ABCA6: variants seen among roughly 807,000 people sequenced by gnomAD.
ABCA6 encodes the protein ATP-binding cassette sub-family A member 6.
ABCA6 carries 164 observed loss-of-function variants against 191.2 expected under a neutral mutation model. The ratio of observed to expected loss-of-function variants is 0.86; its 90% CI spans 0.76 to 0.98. The LOEUF is 0.98. Among genes scored for constraint, ABCA6 ranks in the 50% least tolerant of loss-of-function variants. ABCA6 has a pLI of 0.00. For missense variants in ABCA6, 1,958 were observed against 1,894.1 expected (o/e 1.03, Z -0.63); for synonymous variants, 636 against 647.7 (o/e 0.98, Z 0.27).
intron 6 of ABCA6, among the ~76,000 whole-genome samples, chr17:69,131,412 T>C (rs2073859225): frequency 6.6e-6 from 1 of 152,124 alleles, no homozygotes; most frequent in African/African-American, 2.4e-5. Flanking sequence ...ACTTCCTGAA[T>C]TCAGAAGGGA....
chr17:69,087,233 G>A lies in ABCA6; in HGVS notation c.3819+120C>T, dbSNP rs191480716. ...GATACTTCTTTGGAGTGTCCTGGAC[G>A]CATAATACAGAAATGCACCAAACTC... On this transcript the variant is annotated intron_variant, in intron 29 of 38. Coordinates refer to ENST00000284425, the MANE Select transcript of ABCA6 (RefSeq NM_080284.3). The A allele has an allele frequency of 6.1e-4, 769 of 1,266,202 alleles. 3 individuals carry two copies. The African/African-American group carries it at 9.7e-3, about 16-fold the overall frequency. The allele number at this position is 1,266,202 out of a possible 1,614,324, so 78.4% of individuals were successfully genotyped here.
At chr17:69,081,214 T>C (rs558907032) in intron 36 of ABCA6, 69 bp from the exon 37 acceptor site, 5 of 750,480 alleles carry the variant, frequency 6.7e-6, no homozygotes, top group South Asian at 3.7e-5. Flanking sequence ...AGAATAAATA[T>C]TGATATTACC....
rs1183277467 is a variant in ABCA6, at chr17:69,089,464, C to G, written c.3606+1G>C. The G allele has an allele frequency of 6.2e-7, 1 of 1,613,430 alleles. No homozygotes were observed. On this transcript the variant is annotated splice_donor_variant, in intron 27 of 38. Coordinates refer to ENST00000284425, the MANE Select transcript of ABCA6 (RefSeq NM_080284.3). LOFTEE classifies it high-confidence loss of function. ...GTGCTGAGGTGGAAAGCCCTTCTTACTATGAAGCAGACTAGAAAATCAGTG... is the reference window on the plus strand; with the variant it reads ...GTGCTGAGGTGGAAAGCCCTTCTTAGTATGAAGCAGACTAGAAAATCAGTG...
intron 26 of ABCA6, among the ~76,000 whole-genome samples, chr17:69,090,102 T>A (rs2072891789): frequency 6.6e-6 from 1 of 152,204 alleles, no homozygotes; most frequent in Non-Finnish European, 1.5e-5. Context: ...ACCTTGCAGG[T>A]CTACTTAGGA....
At chr17:69,091,345 C>T in intron 25 of ABCA6, 83 bp from the exon 26 acceptor site, 2 of 1,433,474 alleles carry the variant, frequency 1.4e-6, no homozygotes, top group Non-Finnish European at 1.9e-6. Context: ...CAGGTGTTCT[C>T]ATGATGTATA....
rs1353887053 is a variant in ABCA6 at position 69,082,871 on chromosome 17, A to ACCTTT, written c.4613_4616+1dup. The ACCTTT allele has an allele frequency of 1.2e-6, 2 of 1,614,016 alleles. No homozygotes were observed. Among genetic ancestry groups the ACCTTT allele is most frequent in the Non-Finnish European group, 1.7e-6 (2 of 1,180,010 alleles). Reference sequence around the variant, plus strand: ...TTCTCCATAATCAAAAGCCCGTCTCACCTTTCCTGCCCTGCAGCCTGTGGG... The same window carrying ACCTTT: ...TTCTCCATAATCAAAAGCCCGTCTCACCTTTCCTTTCCTGCCCTGCAGCCTGTGGG... On this transcript the variant is annotated splice_donor_variant, in intron 36 of 38. Transcript: ENST00000284425. LOFTEE classifies it high-confidence loss of function.
chr17:69,099,358 T>C (rs2073123911), intron 22 of ABCA6, among the ~76,000 whole-genome samples: 1 of 152,098 alleles, frequency 6.6e-6, no homozygotes, highest in South Asian at 2.1e-4. Context: ...GTGTGTGCCA[T>C]GGGGAAGTGG....
intron 15 of ABCA6, chr17:69,113,017 G>A: frequency 2.4e-6 from 1 of 425,014 alleles, no homozygotes; most frequent in Non-Finnish European, 3.9e-6. Flanking sequence ...AAGGTAATCA[G>A]AATTTTTCAT....
At chr17:69,127,494 C>T (rs1310685057) in intron 8 of ABCA6, among the ~76,000 whole-genome samples, 2 of 151,960 alleles carry the variant, frequency 1.3e-5, no homozygotes, top group African/African-American at 2.4e-5. Context: ...AAAGAAAATT[C>T]GTAATCCACT....
intron 11 of ABCA6, among the ~76,000 whole-genome samples, chr17:69,117,370 G>A (rs1231843404): frequency 6.6e-6 from 1 of 151,846 alleles, no homozygotes; most frequent in Non-Finnish European, 1.5e-5. Flanking sequence ...TCACTTTGAT[G>A]TTTGCTTAAA....
Position 69,085,703 on chromosome 17 carries a change from T to A in ABCA6, c.3951A>T (p.Gly1317=), listed in dbSNP as rs775149047. Reference sequence around the variant, plus strand: ...TTCCAGCACCATTGGGTCCTAGCAATCCCAAAATTTCACCTGAAAGAAAGA... The same window carrying A: ...TTCCAGCACCATTGGGTCCTAGCAAACCCAAAATTTCACCTGAAAGAAAGA... ...SFCVQEGEIL[G]LLGPNGAGKS... The change falls in exon 31 of 39, where the codon GGA becomes GGT. Residue 1317 remains glycine (G), a synonymous_variant. Coordinates refer to ENST00000284425, the MANE Select transcript of ABCA6 (RefSeq NM_080284.3). The A allele has an allele frequency of 6.2e-7, 1 of 1,604,394 alleles. No individual in the cohort carries two copies. The highest frequency in any genetic ancestry group is 8.5e-7 in the Non-Finnish European group (1 of 1,173,312).
intron 35 of ABCA6, 94 bp downstream of exon 35, chr17:69,083,118 A>G: frequency 6.4e-7 from 1 of 1,571,392 alleles, no homozygotes; most frequent in Non-Finnish European, 8.6e-7. Flanking sequence ...AAGGAAGCCA[A>G]ACGGAAGGGC....
intron 17 of ABCA6, 175 bp downstream of exon 17, chr17:69,110,626 C>T (rs999962418): frequency 3.0e-6 from 2 of 666,940 alleles, no homozygotes; most frequent in Non-Finnish European, 4.8e-6. Flanking sequence ...GCTGGTGCTT[C>T]CACGAAGCAA....
intron 15 of ABCA6, 109 bp downstream of exon 15, chr17:69,113,113 A>G (rs2073462215): frequency 7.6e-7 from 1 of 1,321,808 alleles, no homozygotes; most frequent in South Asian, 1.6e-5. Flanking sequence ...CTGCTATAGA[A>G]TGTAGGAACA....
intron 6 of ABCA6, among the ~76,000 whole-genome samples, chr17:69,133,258 T>TTAAC (rs2073895543): frequency 6.6e-6 from 1 of 152,210 alleles, no homozygotes; most frequent in Non-Finnish European, 1.5e-5. Context: ...AAATCAACTG[T>TTAAC]TAACTGTAAG....
At chr17:69,088,314 A>G in intron 27 of ABCA6, 56 bp from the exon 28 acceptor site, 1 of 1,328,532 alleles carries the variant, frequency 7.5e-7, no homozygotes, top group Non-Finnish European at 1.0e-6. Context: ...TATTATTTAA[A>G]TATTTGAATT....
chr17:69,110,083 A>G (rs2073392244), intron 17 of ABCA6: 1 of 152,180 alleles, frequency 6.6e-6, no homozygotes, highest in South Asian at 2.1e-4. Flanking sequence ...CTTAGTTAAG[A>G]TAGAAAAGGC....
intron 23 of ABCA6, 86 bp from the exon 24 acceptor site, chr17:69,096,887 ATTT>A: frequency 1.8e-6 from 2 of 1,132,872 alleles, no homozygotes; most frequent in East Asian, 3.0e-5. Flanking sequence ...CATTGGAAGA[ATTT>A]TTAAGATAAA....
In ABCA6 at chr17:69,141,788, C is replaced by G. The variant is rs1347349047; in HGVS notation, c.-89G>C. 6.6e-6 allele frequency: 1 copy of G among 152,044 alleles called. No homozygotes were observed. Among genetic ancestry groups the G allele is most frequent in the East Asian group, 1.9e-4 (1 of 5,194 alleles). The allele number at this position is 152,044 out of a possible 1,614,324, so 9.4% of individuals were successfully genotyped here. On this transcript the variant is annotated 5_prime_UTR_variant, in exon 1 of 39. Transcript: ENST00000284425. ...AAGCACTCTAGAAACACTGTCAAAACCAGTTCTCTGTTTGTCTAGGTAACG... is the reference window on the plus strand; with the variant it reads ...AAGCACTCTAGAAACACTGTCAAAAGCAGTTCTCTGTTTGTCTAGGTAACG...
Sources: allele counts gnomAD v4.1 joint callset (sites outside exome capture counted in the v4.1 genomes callset), GRCh38; gene constraint gnomAD v4.1.1; transcripts MANE v1.5; gene names NCBI Gene and HGNC (gene_info 2026-07-23, HGNC 2026-07-21).